The following SGPL1 variants were observed in gnomAD, a reference collection of about 807,000 sequenced individuals.
The protein encoded by SGPL1 is SP-lyase 1.
SGPL1 carries 37 observed loss-of-function variants against 68.9 expected under a neutral mutation model. That is an observed-to-expected ratio of 0.54 (90% CI 0.41 to 0.71). SGPL1 has a LOEUF of 0.71. Among genes scored for constraint, SGPL1 ranks in the 30% least tolerant of loss-of-function variants. SGPL1 has a pLI of 0.00. For synonymous variants in SGPL1, 236 were observed against 248.5 expected (o/e 0.95, Z 0.47); for missense variants, 551 against 704.6 (o/e 0.78, Z 2.47).
At chr10:70,872,924 G>C (rs1846320471) in intron 11 of SGPL1, among the ~76,000 whole-genome samples, 1 of 152,118 alleles carries the variant, frequency 6.6e-6, no homozygotes, top group African/African-American at 2.4e-5. Flanking sequence ...AATATTCTTA[G>C]TAATACTAAG....
At chr10:70,832,595 T>C (rs1470640565) in intron 2 of SGPL1, among the ~76,000 whole-genome samples, 1 of 152,196 alleles carries the variant, frequency 6.6e-6, no homozygotes, top group Non-Finnish European at 1.5e-5. Flanking sequence ...TTCCACTAGA[T>C]CTTGCTTATT....
At chr10:70,851,746 T>C (rs2131897925) in intron 4 of SGPL1, among the ~76,000 whole-genome samples, 1 of 152,312 alleles carries the variant, frequency 6.6e-6, no homozygotes, top group African/African-American at 2.4e-5. Flanking sequence ...TTGGGCTCTG[T>C]AGGCCATATC....
At chr10:70,870,010 C>T in intron 9 of SGPL1, 113 bp downstream of exon 9, 1 of 735,048 alleles carries the variant, frequency 1.4e-6, no homozygotes, top group Non-Finnish European at 2.3e-6. Context: ...ATTGTGGCAG[C>T]CAGAATATGA....
chr10:70,864,684 C>G (rs1252613505), intron 7 of SGPL1, among the ~76,000 whole-genome samples: 3 of 152,120 alleles, frequency 2.0e-5, no homozygotes, highest in Non-Finnish European at 4.4e-5. Flanking sequence ...ATTTTGCATG[C>G]TACATACTAC....
chr10:70,861,528 C>A (rs1026580087), intron 7 of SGPL1, among the ~76,000 whole-genome samples: 4 of 152,256 alleles, frequency 2.6e-5, no homozygotes, highest in African/African-American at 7.2e-5. Flanking sequence ...TCTGCCTGGG[C>A]TCCCACTTTG....
chr10:70,826,216 C>A (rs1268582737), intron 2 of SGPL1, among the ~76,000 whole-genome samples: 1 of 151,936 alleles, frequency 6.6e-6, no homozygotes, highest in African/African-American at 2.4e-5. Flanking sequence ...TACAATACAA[C>A]ACAACACAAC....
chr10:70,841,238 C>T (rs1589455391), intron 2 of SGPL1, among the ~76,000 whole-genome samples: 1 of 152,208 alleles, frequency 6.6e-6, no homozygotes, highest in East Asian at 1.9e-4. Context: ...TGCAGATAAA[C>T]TGTCTCCATG....
At chr10:70,873,207 A>G in intron 11 of SGPL1, 144 bp from the exon 12 acceptor site, 1 of 685,892 alleles carries the variant, frequency 1.5e-6, no homozygotes, top group East Asian at 2.5e-5. Flanking sequence ...TAGCATTTTA[A>G]GTTTGAATCC....
intron 12 of SGPL1, 101 bp downstream of exon 12, chr10:70,873,690 G>T (rs1032470440): frequency 1.5e-5 from 13 of 861,584 alleles, no homozygotes; most frequent in Non-Finnish European, 2.3e-5. Flanking sequence ...TAGCCCACCT[G>T]TTGTCTCCTG....
chr10:70,876,778 T>G, intron 14 of SGPL1, 117 bp downstream of exon 14: 1 of 923,462 alleles, frequency 1.1e-6, no homozygotes, highest in Non-Finnish European at 1.7e-6. Flanking sequence ...CACAGACATC[T>G]TTTATTTGTT....
chr10:70,864,167 T>C (rs1846135781), intron 7 of SGPL1, among the ~76,000 whole-genome samples: 1 of 152,196 alleles, frequency 6.6e-6, no homozygotes, highest in African/African-American at 2.4e-5. Flanking sequence ...AGTTCCATAA[T>C]TGTTTTTTCC....
At chr10:70,865,423 C>T (rs1346996249) in intron 7 of SGPL1, among the ~76,000 whole-genome samples, 1 of 151,996 alleles carries the variant, frequency 6.6e-6, no homozygotes, top group African/African-American at 2.4e-5. Flanking sequence ...ATCTTCAGCA[C>T]GTGTGAGGGA....
intron 2 of SGPL1, among the ~76,000 whole-genome samples, chr10:70,830,851 T>C (rs151211271): frequency 0.011 from 1,665 of 152,296 alleles, 11 homozygotes; most frequent in Non-Finnish European, 0.017. Flanking sequence ...CTGACTCTTA[T>C]ACAGATATAA....
At chr10:70,825,113 A>T (rs1845410361) in intron 2 of SGPL1, among the ~76,000 whole-genome samples, 1 of 151,838 alleles carries the variant, frequency 6.6e-6, no homozygotes, top group Admixed American at 6.6e-5. Context: ...TACACTCTTA[A>T]GCCTGTGAGA....
chr10:70,827,974 C>T (rs1845464987), intron 2 of SGPL1, among the ~76,000 whole-genome samples: 2 of 152,076 alleles, frequency 1.3e-5, no homozygotes, highest in African/African-American at 4.8e-5. Flanking sequence ...ATTAGTTTTT[C>T]TTTCTTATTG....
chr10:70,864,466 C>T (rs374356822), intron 7 of SGPL1, among the ~76,000 whole-genome samples: 7 of 152,034 alleles, frequency 4.6e-5, no homozygotes, highest in East Asian at 1.9e-4. Context: ...TATTTTATTC[C>T]TTGCTGTTCC....
chr10:70,843,061 G>T (rs1845740764), intron 2 of SGPL1, among the ~76,000 whole-genome samples: 1 of 152,188 alleles, frequency 6.6e-6, no homozygotes, highest in African/African-American at 2.4e-5. Context: ...TTTCTGGTAT[G>T]ACTTTTTTCC....
intron 2 of SGPL1, among the ~76,000 whole-genome samples, chr10:70,835,760 C>T (rs1845618624): frequency 6.9e-6 from 1 of 144,082 alleles, no homozygotes; most frequent in South Asian, 2.1e-4. Flanking sequence ...AAAAGAAATG[C>T]CAAGAAGACA....
chr10:70,838,221 A>G (rs1331421127), intron 2 of SGPL1, among the ~76,000 whole-genome samples: 1 of 152,216 alleles, frequency 6.6e-6, no homozygotes, highest in East Asian at 1.9e-4. Context: ...TTTCTCTTTT[A>G]GTAATATTCA....
Sources: gnomAD v4.1 joint callset for allele counts (sites outside exome capture counted in the v4.1 genomes callset) on GRCh38, gnomAD v4.1.1 for gene constraint, MANE v1.5 for transcripts, NCBI Gene and HGNC (gene_info 2026-07-23, HGNC 2026-07-21) for gene names.